Variants in SGSM2 observed in about 807,000 individuals in gnomAD.
SGSM2 encodes the protein RUN and TBC1 domain containing 1.
A neutral mutation model predicts 126.6 loss-of-function variants in SGSM2; 89 were observed. The observed-to-expected ratio is 0.70, with a 90% confidence interval of 0.59 to 0.84. SGSM2 has a LOEUF of 0.84. Among genes scored for constraint, SGSM2 ranks in the 40% least tolerant of loss-of-function variants. SGSM2 has a pLI of 0.00. For synonymous variants in SGSM2, 614 were observed against 574.3 expected (o/e 1.07, Z -0.99); for missense variants, 1,404 against 1,416.6 (o/e 0.99, Z 0.14).
At chr17:2,364,775 T>C in intron 9 of SGSM2, 112 bp downstream of exon 9, 1 of 1,555,898 alleles carries the variant, frequency 6.4e-7, no homozygotes, top group Non-Finnish European at 8.8e-7. Context: ...TCCTTGTTAA[T>C]GGGGCTCCCA....
chr17:2,361,496 G>T, intron 2 of SGSM2, 141 bp from the exon 3 acceptor site: 2 of 1,032,198 alleles, frequency 1.9e-6, no homozygotes, highest in Non-Finnish European at 1.4e-6. Flanking sequence ...GGGGAATTTT[G>T]GAAGGAAGCC....
intron 12 of SGSM2, among the ~76,000 whole-genome samples, chr17:2,369,514 A>G (rs748822881): frequency 1.2e-4 from 18 of 151,372 alleles, no homozygotes; most frequent in Non-Finnish European, 2.1e-4. Flanking sequence ...CTGTGCCCTC[A>G]CCCAGTCACG....
rs2066377531 is a variant in SGSM2, at chr17:2,380,821, A to C, written c.*1301A>C. The C allele has an allele frequency of 5.6e-6, 1 of 178,786 alleles. No individual in the cohort carries two copies. The highest frequency in any genetic ancestry group is 1.2e-4 in the South Asian group (1 of 8,598). The allele number at this position is 178,786 out of a possible 1,614,324, so 11.1% of individuals were successfully genotyped here. ...GCCCCGCAGCCCTTCTGCACCCAGC[A>C]CAGCCTGCCCAGCCCAGCCCTGCCC... On this transcript the variant is annotated 3_prime_UTR_variant, in exon 24 of 24. Transcript: ENST00000268989.
Position 2,369,653 on chromosome 17 carries a change from G to A in SGSM2, c.1424-1609G>A, listed in dbSNP as rs116396010. On this transcript the variant is annotated intron_variant, in intron 12 of 23. Coordinates refer to ENST00000268989, the MANE Select transcript of SGSM2 (RefSeq NM_014853.3). ...AGACCTTGGCTGGGCCTCCTTTCTG[G>A]GCATGAGCTTGGTTCCCTTTGCCCA... 3.6e-3 allele frequency among the ~76,000 whole-genome samples: 552 copies of A among 152,174 alleles called. 3 individuals are homozygous for A. Among genetic ancestry groups the A allele is most frequent in the African/African-American group, 0.013 (537 of 41,514 alleles).
intron 2 of SGSM2, among the ~76,000 whole-genome samples, chr17:2,359,818 C>T (rs1388640528): frequency 1.3e-5 from 2 of 152,202 alleles, no homozygotes; most frequent in Non-Finnish European, 2.9e-5. Flanking sequence ...GTGCCACCTG[C>T]TGCCCCTCTG....
Position 2,364,040 on chromosome 17 carries a change from C to T in SGSM2, c.808-19C>T, listed in dbSNP as rs772485612. The T allele has an allele frequency of 2.5e-6, 4 of 1,613,940 alleles. No homozygotes were observed. The highest frequency in any genetic ancestry group is 3.4e-6 in the Non-Finnish European group (4 of 1,179,982). ...CTCTCAGCCCTTCATCGTCGGTCTT[C>T]CGGTGTCTCCCGCTGTAGAAGGAGG... On this transcript the variant is annotated intron_variant, in intron 7 of 23. Transcript: ENST00000268989.
chr17:2,364,314 G>A (rs1597360721), intron 8 of SGSM2, 131 bp downstream of exon 8: 2 of 1,224,756 alleles, frequency 1.6e-6, no homozygotes, highest in South Asian at 1.4e-5. Flanking sequence ...AGAATAGCAG[G>A]GAGCGGCTGC....
At chr17:2,349,311 G>A (rs1210548095) in intron 2 of SGSM2, among the ~76,000 whole-genome samples, 1 of 152,128 alleles carries the variant, frequency 6.6e-6, no homozygotes, top group African/African-American at 2.4e-5. Context: ...GAGAGATGGA[G>A]GTTTCAGTGA....
At position 2,362,554 on chromosome 17, in the gene SGSM2, C is replaced by T. The variant is rs1047786198; in HGVS notation, c.458+284C>T. Among the ~76,000 whole-genome samples the T allele has an allele frequency of 1.3e-5, 2 of 149,206 alleles. No homozygotes were observed. On this transcript the variant is annotated intron_variant, in intron 4 of 23. Coordinates refer to ENST00000268989, the MANE Select transcript of SGSM2 (RefSeq NM_014853.3). The surrounding 1 kb of genome is among the most constrained non-coding windows in gnomAD (Gnocchi z 4.9). ...GCAGGTGACCGCCTCGTTCCCCAAGCAGCCCCTCCCTTGACCCGTCTCCCG... is the reference window on the plus strand; with the variant it reads ...GCAGGTGACCGCCTCGTTCCCCAAGTAGCCCCTCCCTTGACCCGTCTCCCG...
rs142824873 is a variant in SGSM2, at chr17:2,365,036, G to A, written c.1140G>A (p.Pro380=). ...GLLPRGQLEP[P]LWTQQGKGKV... Reference sequence around the variant, plus strand: ...TGCCTCGGGGACAGCTAGAGCCCCCGCTGTGGACCCAGCAAGGGAAGGTAA... The same window carrying A: ...TGCCTCGGGGACAGCTAGAGCCCCCACTGTGGACCCAGCAAGGGAAGGTAA... The change falls in exon 10 of 24, where the codon CCG becomes CCA. Residue 380 remains proline (P), a synonymous_variant. Transcript: ENST00000268989. 2.9e-4 allele frequency: 469 copies of A among 1,613,124 alleles called. 2 individuals are homozygous for A. The African/African-American group carries it at 5.4e-3, about 19-fold the overall frequency.
rs1185535305 is a variant in SGSM2 at position 2,367,459 on chromosome 17, C to T, written c.1423+54C>T. On this transcript the variant is annotated intron_variant, in intron 12 of 23. Coordinates refer to ENST00000268989, the MANE Select transcript of SGSM2 (RefSeq NM_014853.3). This position sits in a 1 kb window ranked among gnomAD's most constrained non-coding sequence, Gnocchi z 4.0. ...CCTCATCCCCACCCTCCCTCCCGGGCCCGCCTGCCACCCACCACAGGGGTT... is the reference window on the plus strand; with the variant it reads ...CCTCATCCCCACCCTCCCTCCCGGGTCCGCCTGCCACCCACCACAGGGGTT... 6.4e-7 allele frequency: 1 copy of T among 1,558,100 alleles called. No individual in the cohort carries two copies. The highest frequency in any genetic ancestry group is 8.7e-7 in the Non-Finnish European group (1 of 1,146,820).
chr17:2,372,282 C>T lies in SGSM2; in HGVS notation c.1642+28C>T, dbSNP rs34828649. 147 of 1,611,912 alleles carry T rather than the reference C, an allele frequency of 9.1e-5. No homozygotes were observed. The highest frequency in any genetic ancestry group is 6.9e-4 in the South Asian group (63 of 91,052). On this transcript the variant is annotated intron_variant, in intron 14 of 23. Coordinates refer to ENST00000268989, the MANE Select transcript of SGSM2 (RefSeq NM_014853.3). This position sits in a 1 kb window ranked among gnomAD's most constrained non-coding sequence, Gnocchi z 6.0. ...GAGTGTGGGGCGCGCCGGGCTGTGG[C>T]GGGCTGGGGGCGGGCGGCCCTGGGT...
chr17:2,337,709 A>G lies in SGSM2; in HGVS notation c.21A>G (p.Ala7=). Residue 7 remains alanine (A), a synonymous_variant, in exon 1 of 24, where the codon GCA becomes GCG. Coordinates refer to ENST00000268989, the MANE Select transcript of SGSM2 (RefSeq NM_014853.3). This position sits in a 1 kb window ranked among gnomAD's most constrained non-coding sequence, Gnocchi z 5.1. MGSAED[A]VKEKLLWNVK... is the part of the protein sequence containing the mutation. ...ACACCATGGGCAGCGCAGAGGACGC[A>G]GTCAAAGAGAAACTGCTGTGGAACG... The G allele has an allele frequency of 6.5e-7, 1 of 1,539,878 alleles. No homozygotes were observed. The highest frequency in any genetic ancestry group is 8.8e-7 in the Non-Finnish European group (1 of 1,140,450).
In SGSM2 at chr17:2,372,142, A is replaced by ACC. The variant is rs759904620; in HGVS notation, c.1578-47_1578-46dup. On this transcript the variant is annotated intron_variant, in intron 13 of 23. Transcript: ENST00000268989. This position sits in a 1 kb window ranked among gnomAD's most constrained non-coding sequence, Gnocchi z 6.0. ...CCTCCTCCCTTCTCTCTCTCCTCCC[A>ACC]CCAGAGGGGCCGCAGCCCCTCCCTG... The ACC allele has an allele frequency of 1.9e-6, 3 of 1,605,758 alleles. No individual in the cohort carries two copies. In the South Asian group the frequency reaches 3.3e-5, roughly 18 times the overall value.
At chr17:2,378,081 C>T (rs546412784) in intron 22 of SGSM2, 128 bp downstream of exon 22, 2 of 587,374 alleles carry the variant, frequency 3.4e-6, no homozygotes, top group Admixed American at 5.6e-5. Context: ...CCTGCCAGAA[C>T]CCTGGCCCCA....
chr17:2,357,470 C>T (rs890628734), intron 2 of SGSM2, among the ~76,000 whole-genome samples: 2 of 152,130 alleles, frequency 1.3e-5, no homozygotes, highest in Non-Finnish European at 2.9e-5. Context: ...TCGCAGCAAC[C>T]TGGATGGGAT....
chr17:2,376,627 A>T (rs2066171303), intron 19 of SGSM2, 106 bp from the exon 20 acceptor site: 3 of 1,240,016 alleles, frequency 2.4e-6, no homozygotes, highest in Admixed American at 1.7e-5. Flanking sequence ...GGGTCGTGGA[A>T]AGGCTGACTT....
At chr17:2,339,222 TC>T (rs1287072811) in intron 1 of SGSM2, among the ~76,000 whole-genome samples, 1 of 151,250 alleles carries the variant, frequency 6.6e-6, no homozygotes, top group African/African-American at 2.4e-5. Flanking sequence ...GGTCAGGAGT[TC>T]CAGACCAGCC....
intron 2 of SGSM2, among the ~76,000 whole-genome samples, chr17:2,359,572 T>G (rs2065226510): frequency 6.6e-6 from 1 of 151,932 alleles, no homozygotes; most frequent in Admixed American, 6.6e-5. Context: ...CAGTATTCCT[T>G]AGTTGCAGTA....
Sources: allele counts gnomAD v4.1 joint callset (sites outside exome capture counted in the v4.1 genomes callset), GRCh38; gene constraint gnomAD v4.1.1; non-coding constraint Gnocchi (gnomAD v3.1); transcripts MANE v1.5; gene names NCBI Gene and HGNC (gene_info 2026-07-23, HGNC 2026-07-21).